UVRAG: variants seen among roughly 807,000 people sequenced by gnomAD.
UVRAG encodes the protein UV radiation resistance-associated gene protein.
UVRAG carries 19 observed loss-of-function variants against 78.0 expected under a neutral mutation model. That is an observed-to-expected ratio of 0.24 (90% CI 0.17 to 0.36). The LOEUF (loss-of-function observed/expected upper bound fraction) is 0.36. Among genes scored for constraint, UVRAG ranks in the 10% least tolerant of loss-of-function variants. UVRAG has a pLI of 1.00. For missense variants in UVRAG, 740 were observed against 853.8 expected (o/e 0.87, Z 1.66); for synonymous variants, 323 against 324.6 (o/e 1.00, Z 0.05).
At chr11:75,918,857 A>T (rs1422578858) in intron 6 of UVRAG, among the ~76,000 whole-genome samples, 1 of 152,158 alleles carries the variant, frequency 6.6e-6, no homozygotes, top group African/African-American at 2.4e-5. Context: ...TTCTAGGCTA[A>T]TATTTAAAAG....
At position 75,863,056 on chromosome 11, in the gene UVRAG, G is replaced by A. The variant is rs564819576; in HGVS notation, c.270+1276G>A. Among the ~76,000 whole-genome samples the A allele has an allele frequency of 1.8e-4, 27 of 152,304 alleles. 1 individual carries two copies. The highest frequency in any genetic ancestry group is 1.3e-3 in the Admixed American group (20 of 15,296). ...ACAACTTTTGCAGAGTCAGAGGACT[G>A]CAGGACCAGAACCCCAATCTAGACC... On this transcript the variant is annotated intron_variant, in intron 3 of 14. Coordinates refer to ENST00000356136, the MANE Select transcript of UVRAG (RefSeq NM_003369.4).
intron 6 of UVRAG, among the ~76,000 whole-genome samples, chr11:75,959,908 G>C (rs1266093167): frequency 6.6e-6 from 1 of 152,194 alleles, no homozygotes; most frequent in Admixed American, 6.5e-5. Context: ...GGCCCAAGGA[G>C]AGGAAGAGAG....
At chr11:76,138,308 A>G (rs149870588) in intron 14 of UVRAG, among the ~76,000 whole-genome samples, 171 of 152,314 alleles carry the variant, frequency 1.1e-3, no homozygotes, top group African/African-American at 3.8e-3. Context: ...AACAAACCAC[A>G]TGACCCACCA....
intron 12 of UVRAG, among the ~76,000 whole-genome samples, chr11:76,027,623 A>G (rs1437355634): frequency 6.6e-6 from 1 of 152,006 alleles, no homozygotes; most frequent in African/African-American, 2.4e-5. Flanking sequence ...AGGTTGTTGT[A>G]AGGATTAAAT....
intron 7 of UVRAG, among the ~76,000 whole-genome samples, chr11:75,978,469 A>G (rs1374627093): frequency 6.6e-6 from 1 of 152,192 alleles, no homozygotes. Context: ...GTGTTTTCCA[A>G]CTTGGTTCCA....
At chr11:75,844,420 G>A (rs1945990512) in intron 1 of UVRAG, among the ~76,000 whole-genome samples, 1 of 151,810 alleles carries the variant, frequency 6.6e-6, no homozygotes, top group Non-Finnish European at 1.5e-5. Flanking sequence ...TAGAGATGGG[G>A]TTTCACTGTG....
chr11:76,016,423 G>A (rs1369954060), intron 11 of UVRAG, among the ~76,000 whole-genome samples: 2 of 152,022 alleles, frequency 1.3e-5, no homozygotes, highest in Admixed American at 6.5e-5. Flanking sequence ...TGAATAAAAT[G>A]TATAACCACT....
intron 5 of UVRAG, among the ~76,000 whole-genome samples, chr11:75,892,650 C>G (rs370106636): frequency 1.4e-4 from 21 of 152,236 alleles, no homozygotes; most frequent in African/African-American, 4.3e-4. Flanking sequence ...GTGTACTTTC[C>G]CCTATTGTCC....
At chr11:75,968,176 C>T (rs1949061079) in intron 7 of UVRAG, among the ~76,000 whole-genome samples, 1 of 152,116 alleles carries the variant, frequency 6.6e-6, no homozygotes, top group African/African-American at 2.4e-5. Context: ...GTTATTTATA[C>T]GTTAGTCATC....
intron 6 of UVRAG, among the ~76,000 whole-genome samples, chr11:75,954,642 C>T (rs899859090): frequency 1.4e-4 from 21 of 152,176 alleles, no homozygotes; most frequent in Non-Finnish European, 8.8e-5. Context: ...TATGTTCAGA[C>T]ATTAGGCATT....
intron 12 of UVRAG, among the ~76,000 whole-genome samples, chr11:76,057,058 T>A (rs545831771): frequency 6.6e-6 from 1 of 152,326 alleles, no homozygotes; most frequent in South Asian, 2.1e-4. Context: ...CAGCATGACT[T>A]GAGCATAGTG....
chr11:75,998,157 A>G (rs1949742215), intron 8 of UVRAG, among the ~76,000 whole-genome samples: 2 of 152,174 alleles, frequency 1.3e-5, no homozygotes, highest in South Asian at 4.1e-4. Context: ...ATATACCCAG[A>G]AGGAAAGCCT....
chr11:75,987,113 C>T (rs372795188), intron 8 of UVRAG, among the ~76,000 whole-genome samples: 19 of 152,132 alleles, frequency 1.2e-4, no homozygotes, highest in East Asian at 1.2e-3. Flanking sequence ...ATTCCTGTTA[C>T]GTACACCTGG....
chr11:76,066,666 G>T (rs1028821561), intron 13 of UVRAG, among the ~76,000 whole-genome samples: 1 of 152,070 alleles, frequency 6.6e-6, no homozygotes, highest in East Asian at 1.9e-4. Context: ...TAGAGACGGG[G>T]TTTCACCGTG....
intron 5 of UVRAG, chr11:75,911,620 G>T: frequency 4.9e-6 from 1 of 203,002 alleles, no homozygotes; most frequent in South Asian, 1.0e-4. Flanking sequence ...TGCCCCCTCG[G>T]GGTCTGGGGG....
At chr11:75,829,434 G>C (rs921318580) in intron 1 of UVRAG, among the ~76,000 whole-genome samples, 15 of 152,208 alleles carry the variant, frequency 9.9e-5, no homozygotes, top group African/African-American at 3.6e-4. Context: ...CAGTGTAATT[G>C]AAAGACTTTC....
chr11:76,023,952 T>C (rs1950287826), intron 12 of UVRAG, among the ~76,000 whole-genome samples: 1 of 152,152 alleles, frequency 6.6e-6, no homozygotes, highest in Admixed American at 6.6e-5. Flanking sequence ...ACATGGCTTA[T>C]AAGGGATGAA....
chr11:75,876,778 T>A (rs759982336), intron 3 of UVRAG, among the ~76,000 whole-genome samples: 3 of 150,418 alleles, frequency 2.0e-5, no homozygotes, highest in Non-Finnish European at 4.4e-5. Context: ...TTACATAATA[T>A]GAAAATTGGT....
At chr11:75,824,614 CT>C (rs1375888018) in intron 1 of UVRAG, among the ~76,000 whole-genome samples, 2 of 150,210 alleles carry the variant, frequency 1.3e-5, no homozygotes, top group East Asian at 3.9e-4. Context: ...TTTTGATAAG[CT>C]GTGTATTTTT....
Sources: allele counts gnomAD v4.1 joint callset (sites outside exome capture counted in the v4.1 genomes callset), GRCh38; gene constraint gnomAD v4.1.1; transcripts MANE v1.5; gene names NCBI Gene and HGNC (gene_info 2026-07-23, HGNC 2026-07-21).